Variants in ERCC6L2 observed in about 807,000 individuals in gnomAD.
ERCC6L2 encodes DNA excision repair protein ERCC-6-like 2.
In ERCC6L2, 77 loss-of-function variants were observed where a neutral mutation model predicts 132.0. That is an observed-to-expected ratio of 0.58 (90% CI 0.49 to 0.71). The LOEUF (loss-of-function observed/expected upper bound fraction) is 0.71. ERCC6L2 is among the 30% of genes least tolerant of loss of function. The pLI is 0.00. For synonymous variants in ERCC6L2, 583 were observed against 632.4 expected (o/e 0.92, Z 1.17); for missense variants, 1,542 against 1,837.6 (o/e 0.84, Z 2.94).
At chr9:95,982,767 T>A (rs541297093) in intron 17 of ERCC6L2, among the ~76,000 whole-genome samples, 75 of 152,284 alleles carry the variant, frequency 4.9e-4, no homozygotes, top group African/African-American at 1.8e-3. Context: ...GTTTTTGTGT[T>A]TCTACACCTA....
chr9:95,966,405 A>G (rs573010562), intron 13 of ERCC6L2, among the ~76,000 whole-genome samples, 157 bp from the exon 14 acceptor site: 17 of 152,326 alleles, frequency 1.1e-4, no homozygotes, highest in African/African-American at 4.1e-4. Context: ...TTTCACCATA[A>G]TGGCAACATC....
Position 95,880,889 on chromosome 9 carries a change from A to G in ERCC6L2, c.67A>G (p.Arg23Gly). 6.2e-7 allele frequency: 1 copy of G among 1,608,442 alleles called. No individual in the cohort carries two copies. The highest frequency in any genetic ancestry group is 2.2e-5 in the East Asian group (1 of 44,800). The change falls in exon 2 of 19, where the codon AGA (arginine) becomes GGA (glycine). Residue 23 changes from arginine to glycine, a missense_variant. Around this residue, in one of 4 missense-constraint regions of ERCC6L2, gnomAD observed 153 missense variants for 132.3 expected, o/e 1.16. Transcript: ENST00000653738. ...SGKDIWHPGE[R>G]CLAPSPDNGK... is the part of the protein sequence containing the mutation. ...TGCAGACATATGGCATCCAGGAGAAAGATGTCTTGCCCCTTCTCCAGATAA... is the reference window on the plus strand; with the variant it reads ...TGCAGACATATGGCATCCAGGAGAAGGATGTCTTGCCCCTTCTCCAGATAA...
rs763229325 is a variant in ERCC6L2 at position 95,881,123 on chromosome 9, T to C, written c.301T>C (p.Ser101Pro). 1.9e-6 allele frequency: 3 copies of C among 1,613,748 alleles called. No homozygotes were observed. The highest frequency in any genetic ancestry group is 2.5e-6 in the Non-Finnish European group (3 of 1,179,906). ...KPYFPNRKFPSSSVAFKLSDN... is the reference protein window; with the variant it reads ...KPYFPNRKFPPSSVAFKLSDN... ...TTATTTCCCAAACCGAAAATTTCCA[T>C]CATCTTCTGTTGCTTTTAAATTATC... Residue 101 changes from serine (S) to proline (P), a missense_variant, in exon 2 of 19, where the codon TCA becomes CCA. Around this residue, in one of 4 missense-constraint regions of ERCC6L2, gnomAD observed 153 missense variants for 132.3 expected, o/e 1.16. Transcript: ENST00000653738.
At chr9:95,900,844 C>A (rs1406911315) in intron 3 of ERCC6L2, among the ~76,000 whole-genome samples, 1 of 152,098 alleles carries the variant, frequency 6.6e-6, no homozygotes, top group African/African-American at 2.4e-5. Flanking sequence ...ACAGTTGGAT[C>A]TGGAAAGAAA....
Position 96,014,680 on chromosome 9 carries a change from C to A in ERCC6L2, c.*1477C>A, listed in dbSNP as rs1266975642. On this transcript the variant is annotated 3_prime_UTR_variant, in exon 19 of 19. Transcript: ENST00000653738. ...CAACCCACTGAATTGAATTTCATGG[C>A]CCATGGTTAAGATCCACAGTGTGAA... 6.6e-6 allele frequency: 1 copy of A among 152,222 alleles called. No homozygotes were observed. Among genetic ancestry groups the A allele is most frequent in the South Asian group, 2.1e-4 (1 of 4,816 alleles). The allele number at this position is 152,222 out of a possible 1,614,324, so 9.4% of individuals were successfully genotyped here. A position where few individuals can be genotyped will look rare whatever the true frequency, so the allele number is the denominator to read the frequency against.
intron 13 of ERCC6L2, among the ~76,000 whole-genome samples, chr9:95,957,514 G>A (rs1426237269): frequency 1.3e-5 from 2 of 150,598 alleles, no homozygotes; most frequent in African/African-American, 4.9e-5. Context: ...CTTAGGAGCT[G>A]TTCTTTTGAG....
At chr9:95,890,324 A>C (rs1473209425) in intron 2 of ERCC6L2, among the ~76,000 whole-genome samples, 2 of 152,212 alleles carry the variant, frequency 1.3e-5, no homozygotes, top group Non-Finnish European at 2.9e-5. Flanking sequence ...TCTATGATAA[A>C]CATTTTCCAT....
chr9:95,985,366 T>G (rs1229797097), intron 17 of ERCC6L2, among the ~76,000 whole-genome samples: 3 of 152,194 alleles, frequency 2.0e-5, no homozygotes, highest in Non-Finnish European at 4.4e-5. Context: ...GTGAGGCCAG[T>G]CCCTACAACC....
At chr9:95,950,589 A>G (rs547116181) in intron 12 of ERCC6L2, among the ~76,000 whole-genome samples, 4 of 152,208 alleles carry the variant, frequency 2.6e-5, no homozygotes, top group Non-Finnish European at 4.4e-5. Context: ...TATGCTATCC[A>G]TAAGAGACTC....
At chr9:95,884,918 G>C (rs1827785578) in intron 2 of ERCC6L2, among the ~76,000 whole-genome samples, 1 of 152,146 alleles carries the variant, frequency 6.6e-6, no homozygotes. Context: ...GTATTGTTTG[G>C]GGGTAGGAAA....
At chr9:95,992,147 A>G (rs1014930345) in intron 17 of ERCC6L2, among the ~76,000 whole-genome samples, 1 of 152,238 alleles carries the variant, frequency 6.6e-6, no homozygotes, top group Non-Finnish European at 1.5e-5. Context: ...AATGTAAAAC[A>G]TAGCCACGCT....
chr9:95,887,214 C>G (rs1257664225), intron 2 of ERCC6L2, among the ~76,000 whole-genome samples: 1 of 151,700 alleles, frequency 6.6e-6, no homozygotes, highest in Non-Finnish European at 1.5e-5. Flanking sequence ...GAGAAACAAG[C>G]CTGCCTGGGG....
chr9:95,914,811 T>C (rs1228381881), intron 4 of ERCC6L2, among the ~76,000 whole-genome samples: 1 of 152,236 alleles, frequency 6.6e-6, no homozygotes, highest in Non-Finnish European at 1.5e-5. Flanking sequence ...CTATTTTTAA[T>C]TGACTATAAG....
At chr9:95,912,707 TTGTC>T (rs768737672) in intron 4 of ERCC6L2, among the ~76,000 whole-genome samples, 42 of 152,328 alleles carry the variant, frequency 2.8e-4, no homozygotes, top group Non-Finnish European at 4.9e-4. Context: ...ATGAATTTGG[TTGTC>T]TGTTTATTCT....
At chr9:96,011,640 C>CT (rs1357641495) in intron 18 of ERCC6L2, among the ~76,000 whole-genome samples, 3 of 152,194 alleles carry the variant, frequency 2.0e-5, no homozygotes, top group Non-Finnish European at 4.4e-5. Context: ...CATCTCACTC[C>CT]TTAGCTTAGG....
intron 11 of ERCC6L2, among the ~76,000 whole-genome samples, chr9:95,940,787 T>G (rs1587943779): frequency 6.6e-6 from 1 of 152,134 alleles, no homozygotes; most frequent in Non-Finnish European, 1.5e-5. Flanking sequence ...ATCCTGTTGG[T>G]TGGTCAGTTT....
chr9:95,963,366 T>C (rs1430959863), intron 13 of ERCC6L2, among the ~76,000 whole-genome samples: 1 of 152,072 alleles, frequency 6.6e-6, no homozygotes, highest in Non-Finnish European at 1.5e-5. Context: ...CTCATCAGTA[T>C]GTATTTCCCC....
At chr9:95,983,464 G>T (rs1250094589) in intron 17 of ERCC6L2, among the ~76,000 whole-genome samples, 2 of 152,180 alleles carry the variant, frequency 1.3e-5, no homozygotes, top group Non-Finnish European at 2.9e-5. Context: ...AAAAATAGTA[G>T]TTCTTCAAAT....
chr9:95,969,109 G>A (rs972264975), intron 14 of ERCC6L2, among the ~76,000 whole-genome samples: 10 of 152,002 alleles, frequency 6.6e-5, no homozygotes, highest in Non-Finnish European at 1.2e-4. Context: ...AACATGCCCC[G>A]TGTGATCTCC....
Sources: allele counts gnomAD v4.1 joint callset (sites outside exome capture counted in the v4.1 genomes callset), GRCh38; gene constraint gnomAD v4.1.1; regional missense constraint gnomAD v4.1.1; transcripts MANE v1.5; gene names NCBI Gene and HGNC (gene_info 2026-07-23, HGNC 2026-07-21).